Variants in NUMB observed in about 807,000 individuals in gnomAD.
NUMB encodes NUMB endocytic adaptor protein, also known as protein numb homolog.
In NUMB, 29 loss-of-function variants were observed where a neutral mutation model predicts 59.7. The ratio of observed to expected loss-of-function variants is 0.49; its 90% confidence interval spans 0.36 to 0.66. The LOEUF is 0.66. Ranked by LOEUF, NUMB falls within the 30% of genes least tolerant of loss-of-function variation. The pLI is 0.00. For synonymous variants in NUMB, 288 were observed against 288.2 expected (o/e 1.00, Z 0.01); for missense variants, 723 against 822.0 (o/e 0.88, Z 1.47).
At chr14:73,322,463 T>C (rs1427602968) in intron 5 of NUMB, among the ~76,000 whole-genome samples, 2 of 152,292 alleles carry the variant, frequency 1.3e-5, no homozygotes, top group Admixed American at 6.5e-5. Flanking sequence ...AGACTGTTTA[T>C]GTTAGAGGTG....
chr14:73,390,923 A>G (rs1027763208), intron 2 of NUMB, among the ~76,000 whole-genome samples: 1 of 152,040 alleles, frequency 6.6e-6, no homozygotes, highest in African/African-American at 2.4e-5. Context: ...TGCTGGGATT[A>G]CAGGCATGAG....
intron 9 of NUMB, 162 bp downstream of exon 9, chr14:73,286,948 C>T (rs1438197729): frequency 2.2e-5 from 15 of 677,360 alleles, no homozygotes; most frequent in Non-Finnish European, 3.9e-5. Context: ...AAACTAGCCA[C>T]TCTAAAGGAA....
chr14:73,335,625 G>C (rs1264390553), intron 4 of NUMB, among the ~76,000 whole-genome samples: 1 of 151,996 alleles, frequency 6.6e-6, no homozygotes, highest in East Asian at 1.9e-4. Flanking sequence ...ACTAGTATGT[G>C]GAATTTCATT....
intron 1 of NUMB, among the ~76,000 whole-genome samples, chr14:73,426,766 G>T (rs1897600764): frequency 1.3e-5 from 2 of 152,084 alleles, no homozygotes; most frequent in African/African-American, 4.8e-5. Flanking sequence ...AGAATTGCTT[G>T]AACCTGGGAG....
intron 2 of NUMB, among the ~76,000 whole-genome samples, chr14:73,382,462 G>GT: frequency 7.0e-6 from 1 of 143,424 alleles, no homozygotes; most frequent in Admixed American, 6.9e-5. Context: ...AAAAAAAAAA[G>GT]TAAGCAGAAC....
At chr14:73,321,914 G>C (rs1010846847) in intron 5 of NUMB, among the ~76,000 whole-genome samples, 1 of 152,004 alleles carries the variant, frequency 6.6e-6, no homozygotes, top group Admixed American at 6.6e-5. Context: ...TTCTATGACA[G>C]ATTCAGGTAT....
intron 4 of NUMB, among the ~76,000 whole-genome samples, chr14:73,334,566 T>C (rs1419130477): frequency 1.3e-5 from 2 of 152,196 alleles, no homozygotes; most frequent in Non-Finnish European, 1.5e-5. Flanking sequence ...TTTTAAGGTT[T>C]GGGGCCTATT....
At chr14:73,340,229 ATAG>A (rs1272716149) in intron 4 of NUMB, among the ~76,000 whole-genome samples, 2 of 152,186 alleles carry the variant, frequency 1.3e-5, no homozygotes, top group Non-Finnish European at 2.9e-5. Flanking sequence ...AACCTTGAGA[ATAG>A]TAGATTACGA....
chr14:73,367,314 C>G (rs1366588738), intron 2 of NUMB, among the ~76,000 whole-genome samples: 1 of 125,696 alleles, frequency 8.0e-6, no homozygotes, highest in African/African-American at 3.5e-5. Context: ...CACACACACA[C>G]ACACACACAT....
intron 4 of NUMB, among the ~76,000 whole-genome samples, chr14:73,330,508 A>T (rs1290329751): frequency 6.6e-6 from 1 of 152,172 alleles, no homozygotes; most frequent in Admixed American, 6.5e-5. Context: ...TTCTGGCTTC[A>T]TGGTCTTGGG....
At chr14:73,351,833 A>T (rs1351927729) in intron 4 of NUMB, among the ~76,000 whole-genome samples, 3 of 151,498 alleles carry the variant, frequency 2.0e-5, no homozygotes, top group African/African-American at 7.3e-5. Flanking sequence ...AAAATTAGCC[A>T]GGTGTGGTGG....
intron 2 of NUMB, among the ~76,000 whole-genome samples, chr14:73,370,865 G>T (rs28675096): frequency 0.08 from 12,195 of 152,216 alleles, 1,459 homozygotes; most frequent in African/African-American, 0.26. Context: ...ATGAAAAAAT[G>T]TTAGGTAAAT....
chr14:73,445,194 A>G (rs1351869709), intron 1 of NUMB, among the ~76,000 whole-genome samples: 1 of 151,806 alleles, frequency 6.6e-6, no homozygotes, highest in Admixed American at 6.6e-5. Flanking sequence ...CACTACAAAA[A>G]AAGTTAAAAA....
intron 7 of NUMB, among the ~76,000 whole-genome samples, chr14:73,296,959 G>A (rs1889817471): frequency 6.6e-6 from 1 of 152,214 alleles, no homozygotes; most frequent in African/African-American, 2.4e-5. Flanking sequence ...CCTGAGGTCA[G>A]GAGTTCGAGA....
intron 1 of NUMB, among the ~76,000 whole-genome samples, chr14:73,427,816 A>C (rs1897653996): frequency 6.6e-6 from 1 of 152,194 alleles, no homozygotes; most frequent in South Asian, 2.1e-4. Context: ...ACCAGAAAGA[A>C]CCTAACACGC....
At chr14:73,384,145 A>T (rs557743304) in intron 2 of NUMB, among the ~76,000 whole-genome samples, 1 of 152,234 alleles carries the variant, frequency 6.6e-6, no homozygotes, top group Non-Finnish European at 1.5e-5. Context: ...TTTAAAATTA[A>T]GACAAAATTT....
chr14:73,387,727 A>G (rs1895617974), intron 2 of NUMB, among the ~76,000 whole-genome samples: 1 of 147,692 alleles, frequency 6.8e-6, no homozygotes, highest in South Asian at 2.1e-4. Context: ...AGCAATACCC[A>G]ATCTCAAAAA....
At position 73,276,696 on chromosome 14, in the gene NUMB, A is replaced by T; in HGVS notation, c.1838T>A (p.Val613Glu). The change falls in exon 13 of 13, where the codon GTG becomes GAG. Residue 613 changes from valine (V) to glutamate (E), a missense_variant. Physicochemically the swap from Val to Glu is moderately radical, Grantham distance 121. This residue lies in a region of NUMB where 406 missense variants were observed against 385.4 expected (regional missense o/e 1.05). Transcript: ENST00000555238. Reference protein sequence around the residue: ...HTEVPTGTCPVDPFEAQWAAL... With the variant: ...HTEVPTGTCPEDPFEAQWAAL... ...AGCCCACTGGGCTTCAAAAGGATCC[A>T]CTGGGCAGGTGCCTGTAGGAACCTC... 6.2e-7 allele frequency: 1 copy of T among 1,614,234 alleles called. No homozygotes were observed. The highest frequency in any genetic ancestry group is 8.5e-7 in the Non-Finnish European group (1 of 1,180,030).
At chr14:73,438,866 A>T (rs1297413597) in intron 1 of NUMB, among the ~76,000 whole-genome samples, 1 of 152,178 alleles carries the variant, frequency 6.6e-6, no homozygotes, top group Non-Finnish European at 1.5e-5. Context: ...ATAAGAACAC[A>T]AGTGATATCC....
Sources: allele counts gnomAD v4.1 joint callset (sites outside exome capture counted in the v4.1 genomes callset), GRCh38; gene constraint gnomAD v4.1.1; regional missense constraint gnomAD v4.1.1; transcripts MANE v1.5; gene names NCBI Gene and HGNC (gene_info 2026-07-23, HGNC 2026-07-21).